Variants in RIMS1 observed in about 807,000 individuals in gnomAD.
The protein encoded by RIMS1 is regulating synaptic membrane exocytosis 1.
A neutral mutation model predicts 214.1 loss-of-function variants in RIMS1; 83 were observed. That is an observed-to-expected ratio of 0.39 (90% CI 0.32 to 0.47). The LOEUF (loss-of-function observed/expected upper bound fraction) is 0.47. Among genes scored for constraint, RIMS1 ranks in the 20% least tolerant of loss-of-function variants. The pLI is 0.99. For missense variants in RIMS1, 2,050 were observed against 2,161.8 expected (o/e 0.95, Z 1.03); for synonymous variants, 793 against 786.8 (o/e 1.01, Z -0.13).
At chr6:71,984,814 T>TATC (rs1304888447) in intron 2 of RIMS1, among the ~76,000 whole-genome samples, 2 of 142,694 alleles carry the variant, frequency 1.4e-5, no homozygotes, top group African/African-American at 5.1e-5. Context: ...TCTATCTATC[T>TATC]ATCTATTATG....
chr6:72,015,364 T>G (rs935715041), intron 2 of RIMS1, among the ~76,000 whole-genome samples: 6 of 152,196 alleles, frequency 3.9e-5, no homozygotes, highest in Non-Finnish European at 8.8e-5. Flanking sequence ...ACTGATTTTT[T>G]GTATATTGAT....
chr6:72,059,976 T>C (rs909062497), intron 2 of RIMS1, among the ~76,000 whole-genome samples: 3 of 152,016 alleles, frequency 2.0e-5, no homozygotes, highest in Non-Finnish European at 4.4e-5. Context: ...TTTGCTCTTC[T>C]TGCCCAGGCT....
At chr6:72,101,279 A>AT (rs1420155716) in intron 4 of RIMS1, among the ~76,000 whole-genome samples, 1 of 151,994 alleles carries the variant, frequency 6.6e-6, no homozygotes, top group Non-Finnish European at 1.5e-5. Flanking sequence ...CTCAGACTAA[A>AT]AATAGAGTGG....
chr6:72,388,480 A>G lies in RIMS1; in HGVS notation c.4367-2118A>G, dbSNP rs543619675. Among the ~76,000 whole-genome samples the G allele has an allele frequency of 2.6e-5, 4 of 152,328 alleles. No individual in the cohort carries two copies. The South Asian group carries it at 8.3e-4, about 32-fold the overall frequency. ...TTTCATTTTACTTTGGTGATTAATC[A>G]TTATAAGATCTTGAGCAGGGGAATG... On this transcript the variant is annotated intron_variant, in intron 29 of 33. Transcript: ENST00000521978.
chr6:72,118,659 G>A (rs568851865), intron 4 of RIMS1, among the ~76,000 whole-genome samples: 1 of 151,688 alleles, frequency 6.6e-6, no homozygotes, highest in South Asian at 2.1e-4. Context: ...GGTATGCAGG[G>A]ATGTTTTAAC....
chr6:71,990,880 C>T (rs1325911729), intron 2 of RIMS1, among the ~76,000 whole-genome samples: 1 of 151,950 alleles, frequency 6.6e-6, no homozygotes, highest in Non-Finnish European at 1.5e-5. Flanking sequence ...GTGGTATTCT[C>T]AAATAATATC....
chr6:72,067,556 T>C (rs1364179704), intron 2 of RIMS1, among the ~76,000 whole-genome samples: 1 of 152,200 alleles, frequency 6.6e-6, no homozygotes. Context: ...CTCCAACCTC[T>C]TACTCAGTGA....
At chr6:72,195,898 G>A (rs1372165140) in intron 6 of RIMS1, among the ~76,000 whole-genome samples, 1 of 152,042 alleles carries the variant, frequency 6.6e-6, no homozygotes, top group Non-Finnish European at 1.5e-5. Flanking sequence ...TTACATGACG[G>A]CAGGTGAGAG....
At chr6:72,268,718 A>G (rs1021226837) in intron 22 of RIMS1, among the ~76,000 whole-genome samples, 1 of 152,186 alleles carries the variant, frequency 6.6e-6, no homozygotes, top group African/African-American at 2.4e-5. Context: ...GCATGTAAAA[A>G]GCAGTTTGGA....
intron 23 of RIMS1, among the ~76,000 whole-genome samples, chr6:72,275,831 C>A (rs919817108): frequency 6.6e-6 from 1 of 152,052 alleles, no homozygotes. Context: ...TACTATGCAC[C>A]CTATCCAAAT....
intron 26 of RIMS1, among the ~76,000 whole-genome samples, chr6:72,292,505 A>G (rs1336490844): frequency 6.6e-5 from 10 of 152,150 alleles, no homozygotes; most frequent in Non-Finnish European, 1.0e-4. Flanking sequence ...GAAAAAAATG[A>G]CAGAACACAT....
At chr6:72,328,151 G>T (rs1029767437) in intron 28 of RIMS1, among the ~76,000 whole-genome samples, 7 of 151,878 alleles carry the variant, frequency 4.6e-5, no homozygotes, top group African/African-American at 1.7e-4. Flanking sequence ...CATGTCCTTT[G>T]CAGGGACATG....
At chr6:72,009,622 A>G (rs919675074) in intron 2 of RIMS1, among the ~76,000 whole-genome samples, 5 of 149,638 alleles carry the variant, frequency 3.3e-5, no homozygotes, top group Non-Finnish European at 7.5e-5. Context: ...AATAGACTCA[A>G]TAAAAAAATG....
chr6:72,070,192 T>C (rs1013492216), intron 2 of RIMS1, among the ~76,000 whole-genome samples: 2 of 152,196 alleles, frequency 1.3e-5, no homozygotes, highest in Non-Finnish European at 2.9e-5. Context: ...AATTAGCACA[T>C]AGACAATTCT....
intron 1 of RIMS1, among the ~76,000 whole-genome samples, chr6:71,945,545 C>G (rs569608603): frequency 1.4e-4 from 21 of 152,166 alleles, no homozygotes; most frequent in Admixed American, 9.8e-4. Flanking sequence ...GTATGACAAG[C>G]CCATAGCTAA....
chr6:71,942,594 G>GGTAGCTCTTTT (rs1786511954), intron 1 of RIMS1, among the ~76,000 whole-genome samples: 1 of 152,074 alleles, frequency 6.6e-6, no homozygotes, highest in African/African-American at 2.4e-5. Context: ...AAGCAACACA[G>GGTAGCTCTTTT]AGATACAGGT....
intron 4 of RIMS1, among the ~76,000 whole-genome samples, chr6:72,114,702 C>CT (rs886269929): frequency 6.6e-6 from 1 of 151,430 alleles, no homozygotes; most frequent in South Asian, 2.1e-4. Context: ...TTCTCTGTAC[C>CT]TTTTTTTTCC....
chr6:72,208,819 C>T (rs2053344102), intron 6 of RIMS1, among the ~76,000 whole-genome samples: 1 of 152,126 alleles, frequency 6.6e-6, no homozygotes, highest in African/African-American at 2.4e-5. Flanking sequence ...AAAATATTAT[C>T]TCTGAAAAAT....
intron 28 of RIMS1, among the ~76,000 whole-genome samples, chr6:72,322,994 G>C (rs1271713240): frequency 6.6e-6 from 1 of 152,082 alleles, no homozygotes; most frequent in Non-Finnish European, 1.5e-5. Flanking sequence ...AATTCCAGCA[G>C]CTGCCAGTGC....
Sources: allele counts gnomAD v4.1 joint callset (sites outside exome capture counted in the v4.1 genomes callset), GRCh38; gene constraint gnomAD v4.1.1; transcripts MANE v1.5; gene names NCBI Gene and HGNC (gene_info 2026-07-23, HGNC 2026-07-21).